PATJ: variants seen among roughly 807,000 people sequenced by gnomAD.
The protein encoded by PATJ is PATJ crumbs cell polarity complex component.
Under a neutral mutation model 224.9 loss-of-function variants are expected in PATJ, and 190 were observed. The ratio of observed to expected loss-of-function variants is 0.84; its 90% CI spans 0.75 to 0.95. The LOEUF is 0.95. Among genes scored for constraint, PATJ ranks in the 40% least tolerant of loss-of-function variants. The pLI, the probability that PATJ is intolerant of heterozygous loss-of-function variation, is 0.00. For missense variants in PATJ, 2,121 were observed against 2,270.3 expected (o/e 0.93, Z 1.34); for synonymous variants, 769 against 820.3 (o/e 0.94, Z 1.07).
intron 1 of PATJ, among the ~76,000 whole-genome samples, chr1:61,760,619 C>CTTTTTTTTTTTTTTTTTT (rs200693394): frequency 1.5e-5 from 2 of 135,486 alleles, no homozygotes; most frequent in Non-Finnish European, 3.1e-5. Context: ...TTTTCTTTTT[C>CTTTTTTTTTTTTTTTTTT]TTTTTTTTTT....
intron 8 of PATJ, among the ~76,000 whole-genome samples, chr1:61,789,870 A>G (rs929913512): frequency 6.6e-6 from 1 of 152,134 alleles, no homozygotes; most frequent in Non-Finnish European, 1.5e-5. Flanking sequence ...CCATTACTCT[A>G]GTTCCCTGGA....
chr1:62,032,021 G>T (rs74965176), intron 29 of PATJ, among the ~76,000 whole-genome samples: 17 of 152,124 alleles, frequency 1.1e-4, no homozygotes, highest in Non-Finnish European at 2.1e-4. Context: ...AAAATTGAAC[G>T]GCAGAAAACA....
intron 31 of PATJ, among the ~76,000 whole-genome samples, chr1:62,064,861 T>G (rs1175746275): frequency 6.6e-6 from 1 of 152,238 alleles, no homozygotes; most frequent in Non-Finnish European, 1.5e-5. Flanking sequence ...CAAATGTCAC[T>G]GTGCAAACCT....
intron 17 of PATJ, among the ~76,000 whole-genome samples, chr1:61,843,310 C>T (rs769393461): frequency 2.6e-5 from 4 of 152,206 alleles, no homozygotes; most frequent in Non-Finnish European, 4.4e-5. Context: ...AGCTCCCAAA[C>T]GTCCAGGTTT....
intron 41 of PATJ, among the ~76,000 whole-genome samples, chr1:62,142,479 A>C (rs1371875776): frequency 6.6e-6 from 1 of 152,154 alleles, no homozygotes; most frequent in East Asian, 1.9e-4. Flanking sequence ...CATAATCCCT[A>C]TTCCTTATGA....
chr1:62,072,745 T>TC (rs1657644550), intron 31 of PATJ: 1 of 103,588 alleles, frequency 9.7e-6, no homozygotes, highest in Non-Finnish European at 2.2e-5. Flanking sequence ...TGTCTTTTAT[T>TC]TAAAAAAAAA....
Position 61,819,599 on chromosome 1 carries a change from T to C in PATJ, c.1684-3346T>C, listed in dbSNP as rs1032011398. On this transcript the variant is annotated intron_variant, in intron 14 of 43. Coordinates refer to ENST00000642238, the MANE Select transcript of PATJ (RefSeq NM_001350145.3). ...AAGTTTCTAGCTCTCAAAAGCAGCG[T>C]GGGGCGGCAGGCGGCGGTGGGGGGG... Among the ~76,000 whole-genome samples, 3 of 143,608 alleles carry C rather than the reference T, an allele frequency of 2.1e-5. No individual in the cohort carries two copies. The East Asian group carries it at 7.0e-4, about 34-fold the overall frequency. 94.2% of individuals were successfully genotyped at this position (143,608 alleles called of 152,430 possible).
chr1:61,926,219 G>C (rs2149282505), intron 26 of PATJ, among the ~76,000 whole-genome samples: 1 of 152,264 alleles, frequency 6.6e-6, no homozygotes, highest in South Asian at 2.1e-4. Flanking sequence ...TGCTCCAGCT[G>C]CCTTTGCCAC....
rs552940068 is a variant in PATJ at position 62,086,789 on chromosome 1, G to A, written c.4377+2141G>A. On this transcript the variant is annotated intron_variant, in intron 33 of 43. Coordinates refer to ENST00000642238, the MANE Select transcript of PATJ (RefSeq NM_001350145.3). The surrounding 1 kb of genome is among the most constrained non-coding windows in gnomAD (Gnocchi z 4.0). Reference sequence around the variant, plus strand: ...AACAGGGGTACTGTTTACTTGGAGCGCCTCGCTCAGCCTGTTGTAGGATGG... The same window carrying A: ...AACAGGGGTACTGTTTACTTGGAGCACCTCGCTCAGCCTGTTGTAGGATGG... Among the ~76,000 whole-genome samples the A allele has an allele frequency of 2.6e-5, 4 of 152,238 alleles. No individual in the cohort carries two copies. The highest frequency in any genetic ancestry group is 4.4e-5 in the Non-Finnish European group (3 of 68,014).
In PATJ at chr1:61,861,536, G is replaced by T; in HGVS notation, c.2323-15G>T. The T allele has an allele frequency of 9.2e-7, 1 of 1,092,246 alleles. No homozygotes were observed. Among genetic ancestry groups the T allele is most frequent in the Non-Finnish European group, 1.3e-6 (1 of 743,436 alleles). 67.7% of individuals were successfully genotyped at this position (1,092,246 alleles called of 1,614,324 possible). A position where few individuals can be genotyped will look rare whatever the true frequency, so the allele number is the denominator to read the frequency against. On this transcript the variant is annotated splice_polypyrimidine_tract_variant and intron_variant, in intron 18 of 43. Coordinates refer to ENST00000642238, the MANE Select transcript of PATJ (RefSeq NM_001350145.3). Reference sequence around the variant, plus strand: ...TATTTTCTTATTTATAAATAAAAGTGGTTTATATTTTCAGGAAGATAATGA... The same window carrying T: ...TATTTTCTTATTTATAAATAAAAGTTGTTTATATTTTCAGGAAGATAATGA...
chr1:61,956,322 TG>T (rs1259625609), intron 27 of PATJ, among the ~76,000 whole-genome samples: 1 of 152,220 alleles, frequency 6.6e-6, no homozygotes, highest in Non-Finnish European at 1.5e-5. Flanking sequence ...AGTATTTTCA[TG>T]TTTGACCTAA....
Position 62,153,458 on chromosome 1 carries a change from TA to T in PATJ, c.5480del (p.Tyr1827LeufsTer17), listed in dbSNP as rs1668835303. On this transcript the variant is annotated frameshift_variant, in exon 43 of 44. Coordinates refer to ENST00000642238, the MANE Select transcript of PATJ (RefSeq NM_001350145.3). LOFTEE classifies it high-confidence loss of function. ...AAGTCCCCATGGAGACCTGCCAATTTATGTCAAGACTGTATTTGCAAAGGTA... is the reference window on the plus strand; with the variant it reads ...AAGTCCCCATGGAGACCTGCCAATTTTGTCAAGACTGTATTTGCAAAGGTA... ...YGSPHGDLPIYVKTVFAKGAA... is the reference protein window; with the variant it reads ...YGSPHGDLPIXVKTVFAKGAA... 22 of 1,231,670 alleles carry T rather than the reference TA, an allele frequency of 1.8e-5. No individual in the cohort carries two copies. The highest frequency in any genetic ancestry group is 2.2e-5 in the Non-Finnish European group (22 of 987,518). The allele number at this position is 1,231,670 out of a possible 1,614,324, so 76.3% of individuals were successfully genotyped here.
chr1:61,938,740 A>G (rs1677280578), intron 27 of PATJ, among the ~76,000 whole-genome samples: 1 of 152,084 alleles, frequency 6.6e-6, no homozygotes. Context: ...TCAGTTCAAT[A>G]TTTGCATTAA....
intron 33 of PATJ, among the ~76,000 whole-genome samples, chr1:62,101,786 G>A (rs1419162464): frequency 6.6e-6 from 1 of 152,184 alleles, no homozygotes; most frequent in East Asian, 1.9e-4. Context: ...AATCCTGTCT[G>A]ACCCTTCTGG....
intron 40 of PATJ, 108 bp downstream of exon 40, chr1:62,128,202 AC>A: frequency 7.6e-7 from 1 of 1,315,478 alleles, no homozygotes; most frequent in Non-Finnish European, 1.1e-6. Context: ...GCCATCAGAG[AC>A]CCAGGCTGAG....
chr1:61,988,949 A>G (rs190838305), intron 27 of PATJ, among the ~76,000 whole-genome samples: 26 of 152,302 alleles, frequency 1.7e-4, no homozygotes, highest in African/African-American at 6.0e-4. Flanking sequence ...GAGGGTCACA[A>G]TCTACGAATT....
At chr1:61,952,204 T>C (rs889123455) in intron 27 of PATJ, 1 of 489,872 alleles carries the variant, frequency 2.0e-6, no homozygotes, top group African/African-American at 2.0e-5. Context: ...ATTGATTGCT[T>C]TTCCTGATAT....
Position 62,128,932 on chromosome 1 carries a change from G to A in PATJ, c.5258G>A (p.Arg1753His), listed in dbSNP as rs770766738. The A allele has an allele frequency of 1.1e-4, 169 of 1,606,802 alleles. 3 individuals are homozygous for A. The highest frequency in any genetic ancestry group is 9.7e-4 in the South Asian group (88 of 90,720). ...VVNLLKNAYG[R>H]IILQVVADTN... The stretch of plus-strand genomic sequence containing the variant: ...AATCTGCTGAAGAACGCCTACGGGC[G>A]CATTATCCTGCAGGTATTGCGATCA... The change falls in exon 41 of 44, where the codon CGC (arginine) becomes CAC (histidine). Residue 1753 changes from arginine to histidine, a missense_variant. Physicochemically the swap from Arg to His is conservative, Grantham distance 29 (BLOSUM62 0). Coordinates refer to ENST00000642238, the MANE Select transcript of PATJ (RefSeq NM_001350145.3).
intron 17 of PATJ, among the ~76,000 whole-genome samples, chr1:61,853,315 C>A (rs1663130774): frequency 6.6e-6 from 1 of 152,132 alleles, no homozygotes; most frequent in Admixed American, 6.6e-5. Flanking sequence ...ATTTTGAAAA[C>A]CTCCTCACCT....
Sources: gnomAD v4.1 joint callset for allele counts (sites outside exome capture counted in the v4.1 genomes callset) on GRCh38, gnomAD v4.1.1 for gene constraint, Gnocchi (gnomAD v3.1) non-coding constraint, MANE v1.5 for transcripts, NCBI Gene and HGNC (gene_info 2026-07-23, HGNC 2026-07-21) for gene names.